Variants in TEC observed in about 807,000 individuals in gnomAD.
The protein encoded by TEC is tyrosine-protein kinase Tec.
TEC carries 72 observed loss-of-function variants against 93.0 expected under a neutral mutation model. That is an observed-to-expected ratio of 0.77 (90% CI 0.64 to 0.94). The LOEUF (loss-of-function observed/expected upper bound fraction) is 0.94, where lower values mean the gene tolerates loss of function less well. TEC is among the 40% of genes least tolerant of loss of function. The pLI, the probability that TEC is intolerant of heterozygous loss-of-function variation, is 0.00. For missense variants in TEC, 630 were observed against 757.9 expected (o/e 0.83, Z 1.98); for synonymous variants, 249 against 247.7 (o/e 1.01, Z -0.05).
At chr4:48,203,328 GCACTCCAGC>G (rs1722594045) in intron 2 of TEC, among the ~76,000 whole-genome samples, 1 of 149,266 alleles carries the variant, frequency 6.7e-6, no homozygotes. Flanking sequence ...TTGCACCACT[GCACTCCAGC>G]CTGGGTGACA....
At chr4:48,152,076 G>C (rs1577702625) in intron 9 of TEC, among the ~76,000 whole-genome samples, 1 of 152,098 alleles carries the variant, frequency 6.6e-6, no homozygotes, top group Middle Eastern at 3.4e-3. Flanking sequence ...AATAAATAAG[G>C]CTCCACAAAA....
intron 2 of TEC, among the ~76,000 whole-genome samples, chr4:48,193,162 A>AT (rs71654900): frequency 0.087 from 12,717 of 146,756 alleles, 767 homozygotes; most frequent in African/African-American, 0.17. Flanking sequence ...TTTTTTTCTG[A>AT]TTTTTTTTTT....
chr4:48,174,162 T>A (rs1260728145), intron 3 of TEC, among the ~76,000 whole-genome samples: 2 of 152,262 alleles, frequency 1.3e-5, no homozygotes, highest in African/African-American at 4.8e-5. Context: ...ACTTTTCTCA[T>A]ATTTATTCAT....
At chr4:48,237,960 G>A (rs1723829319) in intron 1 of TEC, among the ~76,000 whole-genome samples, 1 of 152,162 alleles carries the variant, frequency 6.6e-6, no homozygotes, top group African/African-American at 2.4e-5. Context: ...AACAGTATCA[G>A]GTTATATTTC....
chr4:48,164,263 A>G (rs939512011), intron 7 of TEC, among the ~76,000 whole-genome samples: 1 of 152,214 alleles, frequency 6.6e-6, no homozygotes, highest in Non-Finnish European at 1.5e-5. Context: ...AGTTTCACAA[A>G]GGATAATTCC....
intron 1 of TEC, among the ~76,000 whole-genome samples, chr4:48,269,385 T>A (rs1269978919): frequency 2.0e-5 from 3 of 152,230 alleles, no homozygotes; most frequent in Non-Finnish European, 4.4e-5. Flanking sequence ...TCAGCCCTGC[T>A]CGCCGCTGGG....
intron 2 of TEC, among the ~76,000 whole-genome samples, chr4:48,195,997 C>T (rs543951226): frequency 6.6e-6 from 1 of 152,304 alleles, no homozygotes; most frequent in African/African-American, 2.4e-5. Flanking sequence ...ACCCCCGCCT[C>T]ACCTCCCTTC....
intron 2 of TEC, among the ~76,000 whole-genome samples, chr4:48,185,699 TTTAAAGA>T (rs1721792763): frequency 6.6e-6 from 1 of 152,150 alleles, no homozygotes; most frequent in Non-Finnish European, 1.5e-5. Flanking sequence ...ATGGCATAAT[TTTAAAGA>T]TTATAGTTTT....
chr4:48,250,503 G>C (rs545903723), intron 1 of TEC, among the ~76,000 whole-genome samples: 2 of 152,268 alleles, frequency 1.3e-5, no homozygotes, highest in Non-Finnish European at 2.9e-5. Flanking sequence ...TTTGACCAAT[G>C]GGACAGTAGC....
chr4:48,178,927 C>T (rs1721441560), intron 2 of TEC, among the ~76,000 whole-genome samples: 1 of 152,186 alleles, frequency 6.6e-6, no homozygotes, highest in Non-Finnish European at 1.5e-5. Flanking sequence ...CACCTCATAG[C>T]CTGCTAAGGC....
At chr4:48,171,535 C>T (rs1721112306) in intron 3 of TEC, 86 bp from the exon 4 acceptor site, 1 of 868,376 alleles carries the variant, frequency 1.2e-6, no homozygotes, top group Admixed American at 2.9e-5. Flanking sequence ...ACTACAGACA[C>T]CAATAAATGA....
At position 48,186,091 on chromosome 4, in the gene TEC, G is replaced by A. The variant is rs374408081; in HGVS notation, c.139-9905C>T. ...CCGGGCTGGTCTCCAGCTCCTGACC[G>A]TGAGTGATCTGCCTGCCTCGGCCTC... is the stretch of plus-strand genomic sequence containing the variant. On this transcript the variant is annotated intron_variant, in intron 2 of 17. Transcript: ENST00000381501. Among the ~76,000 whole-genome samples, 8 of 152,334 alleles carry A rather than the reference G, an allele frequency of 5.3e-5. No homozygotes were observed. In the East Asian group the frequency reaches 7.7e-4, roughly 15 times the overall value.
rs1157288696 is a variant in TEC at position 48,179,381 on chromosome 4, T to A, written c.139-3195A>T. On this transcript the variant is annotated intron_variant, in intron 2 of 17. Transcript: ENST00000381501. Reference sequence around the variant, plus strand: ...ATATATATATATATATATATATTTTTTTTTTTTTTTTTTTTTTTTCAAGAC... The same window carrying A: ...ATATATATATATATATATATATTTTATTTTTTTTTTTTTTTTTTTCAAGAC... Among the ~76,000 whole-genome samples the A allele has an allele frequency of 1.5e-3, 155 of 100,872 alleles. 1 individual carries two copies. The highest frequency in any genetic ancestry group is 6.1e-3 in the African/African-American group (143 of 23,596). 66.2% of individuals were successfully genotyped at this position (100,872 alleles called of 152,430 possible). A position where few individuals can be genotyped will look rare whatever the true frequency, so the allele number is the denominator to read the frequency against.
intron 12 of TEC, 150 bp from the exon 13 acceptor site, chr4:48,145,729 A>C (rs1473013828): frequency 2.3e-6 from 2 of 886,730 alleles, no homozygotes; most frequent in African/African-American, 3.4e-5. Flanking sequence ...ACAGACTTGA[A>C]ACCTGCATCT....
intron 2 of TEC, among the ~76,000 whole-genome samples, chr4:48,212,850 G>A (rs1417558236): frequency 6.6e-6 from 1 of 152,178 alleles, no homozygotes; most frequent in Non-Finnish European, 1.5e-5. Context: ...TAGAACTATA[G>A]CTTAATCAGA....
In TEC at chr4:48,163,787, T is replaced by A; in HGVS notation, c.672-20A>T. On this transcript the variant is annotated intron_variant, in intron 7 of 17. Coordinates refer to ENST00000381501, the MANE Select transcript of TEC (RefSeq NM_003215.3). ...TCATTCCTAGAAATAAGAAAAATAC[T>A]TTAGGTAAACTTACTTTACTGGGAG... 1 of 1,362,246 alleles carries A rather than the reference T, an allele frequency of 7.3e-7. No homozygotes were observed. The highest frequency in any genetic ancestry group is 1.0e-6 in the Non-Finnish European group (1 of 997,172). 84.4% of individuals were successfully genotyped at this position (1,362,246 alleles called of 1,614,324 possible). A position where few individuals can be genotyped will look rare whatever the true frequency, so the allele number is the denominator to read the frequency against.
At chr4:48,254,114 C>G (rs961205073) in intron 1 of TEC, among the ~76,000 whole-genome samples, 2 of 152,130 alleles carry the variant, frequency 1.3e-5, no homozygotes, top group African/African-American at 4.8e-5. Context: ...CCATAATTAA[C>G]GACTCCCATT....
At chr4:48,269,495 G>T (rs1461746022) in intron 1 of TEC, among the ~76,000 whole-genome samples, 1 of 152,252 alleles carries the variant, frequency 6.6e-6, no homozygotes, top group Non-Finnish European at 1.5e-5. Flanking sequence ...GCGGGAGTTG[G>T]AGAAGTGGAG....
chr4:48,174,944 T>C (rs1721265269), intron 3 of TEC, among the ~76,000 whole-genome samples: 1 of 152,194 alleles, frequency 6.6e-6, no homozygotes, highest in Non-Finnish European at 1.5e-5. Context: ...ACTATTATTG[T>C]TATTATTCCC....
Sources: gnomAD v4.1 joint callset for allele counts (sites outside exome capture counted in the v4.1 genomes callset) on GRCh38, gnomAD v4.1.1 for gene constraint, MANE v1.5 for transcripts, NCBI Gene and HGNC (gene_info 2026-07-23, HGNC 2026-07-21) for gene names.